The following TMPRSS4 variants were observed in gnomAD, a reference collection of about 807,000 sequenced individuals.
TMPRSS4 encodes transmembrane serine protease 4, also known as transmembrane protease serine 4.
TMPRSS4 carries 45 observed loss-of-function variants against 56.4 expected under a neutral mutation model. The ratio of observed to expected loss-of-function variants is 0.80; its 90% CI spans 0.63 to 1.02. The LOEUF (loss-of-function observed/expected upper bound fraction) is 1.02. TMPRSS4 is among the 50% of genes least tolerant of loss of function. TMPRSS4 has a pLI of 0.00. For missense variants in TMPRSS4, 546 were observed against 556.7 expected, an observed-to-expected ratio of 0.98 and a Z score of 0.19; for synonymous variants, 205 against 211.0, an observed-to-expected ratio of 0.97 and a Z score of 0.25.
At chr11:118,085,464 GT>G (rs1565411188) in intron 1 of TMPRSS4, among the ~76,000 whole-genome samples, 2 of 152,150 alleles carry the variant, frequency 1.3e-5, no homozygotes, top group Middle Eastern at 3.4e-3. Flanking sequence ...GCTGGAGTCA[GT>G]CCCAATCAGT....
In TMPRSS4 at chr11:118,117,394, C is replaced by A. The variant is rs775157587; in HGVS notation, c.1242C>A (p.Ser414Arg). ...GGGGCTATGGCTGCGGGGGCCCGAG[C>A]ACCCCAGGAGTATACACCAAGGTCT... is the stretch of plus-strand genomic sequence containing the variant. ...VSWGYGCGGP[S>R]TPGVYTKVSA... is the part of the protein sequence containing the mutation. The change falls in exon 12 of 13, where the codon AGC (serine) becomes AGA (arginine). Residue 414 changes from serine to arginine, a missense_variant. Transcript: ENST00000437212. 1.2e-6 allele frequency: 2 copies of A among 1,613,998 alleles called. No homozygotes were observed. Among genetic ancestry groups the A allele is most frequent in the African/African-American group, 1.3e-5 (1 of 74,904 alleles).
chr11:118,092,103 G>T (rs773530800), intron 1 of TMPRSS4, among the ~76,000 whole-genome samples: 3 of 152,136 alleles, frequency 2.0e-5, no homozygotes, highest in Non-Finnish European at 2.9e-5. Flanking sequence ...AAGAAAAAAG[G>T]AAAGGAAACG....
chr11:118,116,553 G>C (rs1157768098), intron 11 of TMPRSS4, among the ~76,000 whole-genome samples: 1 of 152,016 alleles, frequency 6.6e-6, no homozygotes, highest in Non-Finnish European at 1.5e-5. Context: ...CTTGTTCACT[G>C]TCTCTCACCC....
chr11:118,081,203 AC>A (rs1945099513), intron 1 of TMPRSS4, among the ~76,000 whole-genome samples: 1 of 152,204 alleles, frequency 6.6e-6, no homozygotes, highest in South Asian at 2.1e-4. Flanking sequence ...AACAAGGCTC[AC>A]CCGAAGTCCA....
At chr11:118,094,042 C>A (rs567954109) in intron 1 of TMPRSS4, among the ~76,000 whole-genome samples, 2 of 152,316 alleles carry the variant, frequency 1.3e-5, no homozygotes, top group Admixed American at 6.5e-5. Flanking sequence ...CTACCAGTGA[C>A]TGACGTTTGG....
intron 1 of TMPRSS4, 24 bp downstream of exon 1, chr11:118,077,329 C>A: frequency 6.3e-7 from 1 of 1,591,980 alleles, no homozygotes; most frequent in Admixed American, 1.7e-5. Flanking sequence ...CCTCTGCTCC[C>A]AAGACACAGG....
At chr11:118,105,986 C>T (rs1238151132) in intron 5 of TMPRSS4, 1 of 152,236 alleles carries the variant, frequency 6.6e-6, no homozygotes, top group African/African-American at 2.4e-5. Context: ...TTCCATTACC[C>T]TCTAGAAAGC....
intron 1 of TMPRSS4, among the ~76,000 whole-genome samples, chr11:118,085,089 A>C (rs947599337): frequency 6.6e-6 from 1 of 152,196 alleles, no homozygotes; most frequent in Non-Finnish European, 1.5e-5. Flanking sequence ...GGCGCACCTT[A>C]CAGAATCTTT....
At chr11:118,078,873 T>G (rs1944905351) in intron 1 of TMPRSS4, among the ~76,000 whole-genome samples, 1 of 152,110 alleles carries the variant, frequency 6.6e-6, no homozygotes, top group African/African-American at 2.4e-5. Context: ...CCCACGCACA[T>G]GCACCGGGTT....
chr11:118,113,307 G>C lies in TMPRSS4; in HGVS notation c.782G>C (p.Gly261Ala). ...GTGTTCAACTGGAAGGTGCGGGCAG[G>C]CTCAGACAAACTGGGCAGCTTCCCA... ...TDVFNWKVRAGSDKLGSFPSL... is the reference protein window; with the variant it reads ...TDVFNWKVRAASDKLGSFPSL... Residue 261 changes from glycine to alanine, a missense_variant, in exon 9 of 13, where the codon GGC (glycine) becomes GCC (alanine). By Grantham distance (60) the Gly-to-Ala change is moderately conservative. Coordinates refer to ENST00000437212, the MANE Select transcript of TMPRSS4 (RefSeq NM_019894.4). 6.2e-7 allele frequency: 1 copy of C among 1,614,112 alleles called. No homozygotes were observed. Among genetic ancestry groups the C allele is most frequent in the Non-Finnish European group, 8.5e-7 (1 of 1,180,014 alleles).
At chr11:118,085,121 C>T (rs567753969) in intron 1 of TMPRSS4, among the ~76,000 whole-genome samples, 111 of 152,220 alleles carry the variant, frequency 7.3e-4, no homozygotes, top group African/African-American at 2.4e-3. Context: ...CTTGTGAAGT[C>T]GCTTTTATTG....
intron 6 of TMPRSS4, 162 bp from the exon 7 acceptor site, chr11:118,108,694 G>A (rs1338110367): frequency 4.6e-6 from 3 of 651,850 alleles, no homozygotes; most frequent in East Asian, 5.4e-5. Flanking sequence ...TGCAGGAAAT[G>A]CAATGGATGT....
At chr11:118,114,219 C>G (rs1038904818) in intron 9 of TMPRSS4, among the ~76,000 whole-genome samples, 1 of 152,170 alleles carries the variant, frequency 6.6e-6, no homozygotes, top group African/African-American at 2.4e-5. Flanking sequence ...CTGCCAGGCT[C>G]TCCTGAGCCC....
In TMPRSS4 at chr11:118,119,506, G is replaced by C. The variant is rs78839449; in HGVS notation, c.*1593G>C. ...AAACAGCTAATTTAGAACCCCAAAG[G>C]CTTCAGATGTCAGAATATTAGAGAC... On this transcript the variant is annotated 3_prime_UTR_variant, in exon 13 of 13. Coordinates refer to ENST00000437212, the MANE Select transcript of TMPRSS4 (RefSeq NM_019894.4). 0.021 allele frequency: 5,273 copies of C among 248,310 alleles called. 290 individuals are homozygous for C. Among genetic ancestry groups the C allele is most frequent in the African/African-American group, 0.11 (4,968 of 43,220 alleles). 15.4% of individuals were successfully genotyped at this position (248,310 alleles called of 1,614,324 possible).
At chr11:118,107,443 A>G (rs1250227681) in intron 5 of TMPRSS4, 3 of 190,866 alleles carry the variant, frequency 1.6e-5, no homozygotes, top group Non-Finnish European at 3.2e-5. Context: ...CATTGCTGGG[A>G]TATTTGAAAT....
chr11:118,085,449 T>C (rs912750248), intron 1 of TMPRSS4, among the ~76,000 whole-genome samples: 9 of 152,132 alleles, frequency 5.9e-5, no homozygotes, highest in African/African-American at 2.2e-4. Context: ...GGTCTCAAAC[T>C]CCTGGCTGGA....
Position 118,108,877 on chromosome 11 carries a change from G to T in TMPRSS4, c.564G>T (p.Leu188=). 1 of 1,614,058 alleles carries T rather than the reference G, an allele frequency of 6.2e-7. No homozygotes were observed. Among genetic ancestry groups the T allele is most frequent in the Non-Finnish European group, 8.5e-7 (1 of 1,179,970 alleles). Residue 188 remains leucine, a synonymous_variant, in exon 7 of 13, where the codon CTG becomes CTT. Coordinates refer to ENST00000437212, the MANE Select transcript of TMPRSS4 (RefSeq NM_019894.4). ...CCAGGCCCTGTCTCTCAGGCTCCCTGGTCTCCCTGCACTGTCTTGGTGAGT... is the reference window on the plus strand; with the variant it reads ...CCAGGCCCTGTCTCTCAGGCTCCCTTGTCTCCCTGCACTGTCTTGGTGAGT... ...NSSGPCLSGS[L]VSLHCLACGK...
intron 1 of TMPRSS4, among the ~76,000 whole-genome samples, chr11:118,087,399 TC>T (rs1380387446): frequency 6.6e-6 from 1 of 152,194 alleles, no homozygotes; most frequent in Non-Finnish European, 1.5e-5. Flanking sequence ...CGCCTCTTCT[TC>T]CTCTCCTTAT....
intron 5 of TMPRSS4, 73 bp from the exon 6 acceptor site, chr11:118,107,701 G>A: frequency 7.7e-7 from 1 of 1,304,480 alleles, no homozygotes; most frequent in Non-Finnish European, 1.1e-6. Flanking sequence ...CCTGAAAGTG[G>A]GGGCCAACTC....
Sources: allele counts gnomAD v4.1 joint callset (sites outside exome capture counted in the v4.1 genomes callset), GRCh38; gene constraint gnomAD v4.1.1; transcripts MANE v1.5; gene names NCBI Gene and HGNC (gene_info 2026-07-23, HGNC 2026-07-21).